ADAMTSL1: variants seen among roughly 807,000 people sequenced by gnomAD.
The protein encoded by ADAMTSL1 is ADAMTS-like protein 1.
In ADAMTSL1, 126 loss-of-function variants were observed where a neutral mutation model predicts 201.8. That is an observed-to-expected ratio of 0.62 (90% CI 0.54 to 0.72). The LOEUF is 0.72. ADAMTSL1 is among the 30% of genes least tolerant of loss of function. ADAMTSL1 has a pLI of 0.00. For synonymous variants in ADAMTSL1, 1,121 were observed against 903.4 expected, an observed-to-expected ratio of 1.24 and a Z score of -4.32; for missense variants, 2,679 against 2,277.8, an observed-to-expected ratio of 1.18 and a Z score of -3.59.
chr9:18,752,569 C>T (rs996362276), intron 15 of ADAMTSL1, among the ~76,000 whole-genome samples: 1 of 152,218 alleles, frequency 6.6e-6, no homozygotes, highest in Non-Finnish European at 1.5e-5. Flanking sequence ...GGATTGTTTT[C>T]ATAGGCCCTT....
At chr9:18,454,010 A>T (rs578042258) in intron 2 of ADAMTSL1, among the ~76,000 whole-genome samples, 2 of 152,236 alleles carry the variant, frequency 1.3e-5, no homozygotes, top group Non-Finnish European at 2.9e-5. Context: ...ATCTGCCTAT[A>T]GATAGACAGA....
At chr9:18,029,560 A>G (rs1444997390) in intron 1 of ADAMTSL1, among the ~76,000 whole-genome samples, 1 of 152,170 alleles carries the variant, frequency 6.6e-6, no homozygotes, top group East Asian at 1.9e-4. Flanking sequence ...ATCTCATTAA[A>G]CTAAAGAGCT....
At chr9:17,946,713 A>G (rs1242867548) in intron 1 of ADAMTSL1, among the ~76,000 whole-genome samples, 1 of 152,162 alleles carries the variant, frequency 6.6e-6, no homozygotes, top group Non-Finnish European at 1.5e-5. Context: ...ATGCTATTTG[A>G]GGAGCTCTCA....
intron 21 of ADAMTSL1, among the ~76,000 whole-genome samples, chr9:18,817,875 C>G (rs930552054): frequency 6.6e-6 from 1 of 152,014 alleles, no homozygotes; most frequent in Admixed American, 6.6e-5. Context: ...GGAGCTTGCT[C>G]GAATCAGAAG....
chr9:18,753,676 A>C (rs527376707), intron 16 of ADAMTSL1, among the ~76,000 whole-genome samples, 168 bp downstream of exon 16: 9 of 152,302 alleles, frequency 5.9e-5, no homozygotes, highest in African/African-American at 2.2e-4. Context: ...CAGATCTTTT[A>C]ATTACAAATA....
At chr9:18,219,390 A>G (rs1046469408) in intron 2 of ADAMTSL1, among the ~76,000 whole-genome samples, 1 of 146,244 alleles carries the variant, frequency 6.8e-6, no homozygotes, top group Non-Finnish European at 1.5e-5. Flanking sequence ...TTTATTTGAG[A>G]CAGTGTGTTG....
intron 1 of ADAMTSL1, among the ~76,000 whole-genome samples, chr9:17,943,493 G>A (rs1026082152): frequency 6.6e-6 from 1 of 152,020 alleles, no homozygotes; most frequent in African/African-American, 2.4e-5. Flanking sequence ...TTGTGGGTGG[G>A]GGTAGTGCCA....
chr9:18,185,079 G>C (rs1828674500), intron 2 of ADAMTSL1, among the ~76,000 whole-genome samples: 1 of 152,064 alleles, frequency 6.6e-6, no homozygotes, highest in African/African-American at 2.4e-5. Flanking sequence ...AATCTCTATG[G>C]CTCAAAGATT....
chr9:17,918,745 T>C (rs1045000016), intron 1 of ADAMTSL1, among the ~76,000 whole-genome samples: 2 of 151,940 alleles, frequency 1.3e-5, no homozygotes, highest in Admixed American at 6.6e-5. Context: ...TTCTGTATAC[T>C]TATTGTATCA....
chr9:17,957,401 C>G (rs180828823), intron 1 of ADAMTSL1, among the ~76,000 whole-genome samples: 1 of 152,194 alleles, frequency 6.6e-6, no homozygotes, highest in East Asian at 1.9e-4. Flanking sequence ...CCAATGGACT[C>G]GACAGATGCC....
intron 2 of ADAMTSL1, among the ~76,000 whole-genome samples, chr9:18,530,613 G>T (rs968644005): frequency 6.6e-6 from 1 of 152,094 alleles, no homozygotes; most frequent in Non-Finnish European, 1.5e-5. Flanking sequence ...CCTTTGCTTA[G>T]TTTCTTCTCC....
chr9:18,034,681 G>A (rs1037312911), intron 1 of ADAMTSL1, among the ~76,000 whole-genome samples: 7 of 151,896 alleles, frequency 4.6e-5, no homozygotes, highest in South Asian at 2.1e-4. Context: ...TGTGTCATTC[G>A]TGCCTTCATT....
At chr9:18,145,478 C>T (rs997735703) in intron 1 of ADAMTSL1, among the ~76,000 whole-genome samples, 1 of 152,112 alleles carries the variant, frequency 6.6e-6, no homozygotes. Flanking sequence ...CTGCATATAA[C>T]CTACAATGAT....
chr9:18,114,182 G>T (rs977235200), intron 1 of ADAMTSL1, among the ~76,000 whole-genome samples: 4 of 152,006 alleles, frequency 2.6e-5, no homozygotes, highest in Non-Finnish European at 5.9e-5. Context: ...TGGATTTCAC[G>T]TTGAAAAAAA....
intron 19 of ADAMTSL1, among the ~76,000 whole-genome samples, chr9:18,786,715 T>C (rs1268168230): frequency 6.6e-6 from 1 of 152,144 alleles, no homozygotes; most frequent in African/African-American, 2.4e-5. Context: ...TTCAAAGAGT[T>C]GGGTTAGCAA....
intron 1 of ADAMTSL1, among the ~76,000 whole-genome samples, chr9:17,990,096 G>T (rs1248507859): frequency 1.3e-5 from 2 of 151,736 alleles, no homozygotes; most frequent in Non-Finnish European, 2.9e-5. Context: ...AGAAAATTGG[G>T]GTGGGGGGCA....
chr9:18,254,898 ATT>A (rs1481983361), intron 2 of ADAMTSL1, among the ~76,000 whole-genome samples: 1 of 152,170 alleles, frequency 6.6e-6, no homozygotes, highest in East Asian at 1.9e-4. Flanking sequence ...TAGAGCAAGA[ATT>A]AAATTGGTAA....
intron 26 of ADAMTSL1, among the ~76,000 whole-genome samples, chr9:18,901,245 T>C (rs1830000471): frequency 6.6e-6 from 1 of 152,164 alleles, no homozygotes; most frequent in Non-Finnish European, 1.5e-5. Flanking sequence ...GGGGAAGTTA[T>C]GACATTCCAG....
chr9:18,191,706 T>C (rs1828978103), intron 2 of ADAMTSL1, among the ~76,000 whole-genome samples: 1 of 152,192 alleles, frequency 6.6e-6, no homozygotes, highest in South Asian at 2.1e-4. Flanking sequence ...CGATTATTAG[T>C]ATATCACTTA....
Sources: allele counts gnomAD v4.1 joint callset (sites outside exome capture counted in the v4.1 genomes callset), GRCh38; gene constraint gnomAD v4.1.1; transcripts MANE v1.5; gene names NCBI Gene and HGNC (gene_info 2026-07-23, HGNC 2026-07-21).